The following MKLN1 variants were observed in gnomAD, a reference collection of about 807,000 sequenced individuals.
MKLN1 encodes muskelin.
Under a neutral mutation model 99.0 loss-of-function variants are expected in MKLN1, and 18 were observed. The ratio of observed to expected loss-of-function variants is 0.18; its 90% confidence interval spans 0.13 to 0.27. The LOEUF (loss-of-function observed/expected upper bound fraction) is 0.27. Ranked by LOEUF, MKLN1 falls within the 10% of genes least tolerant of loss-of-function variation. The pLI, the probability that MKLN1 is intolerant of heterozygous loss-of-function variation, is 1.00. For synonymous variants in MKLN1, 288 were observed against 293.2 expected, an observed-to-expected ratio of 0.98 and a Z score of 0.18; for missense variants, 621 against 875.9, an observed-to-expected ratio of 0.71 and a Z score of 3.67.
intron 2 of MKLN1, 99 bp downstream of exon 2, chr7:131,375,592 C>G (rs1005199659): frequency 1.4e-6 from 1 of 722,712 alleles, no homozygotes; most frequent in Non-Finnish European, 2.3e-6. Flanking sequence ...AGTTTATTCT[C>G]TTTTTGAGAT....
At chr7:131,353,008 C>T (rs1489405554) in intron 1 of MKLN1, among the ~76,000 whole-genome samples, 1 of 152,140 alleles carries the variant, frequency 6.6e-6, no homozygotes, top group African/African-American at 2.4e-5. Flanking sequence ...ATTTGTTGAA[C>T]CATTCAGCAG....
chr7:131,295,958 A>G (rs1313828477), intron 3 of MKLN1, among the ~76,000 whole-genome samples: 1 of 152,160 alleles, frequency 6.6e-6, no homozygotes, highest in African/African-American at 2.4e-5. Flanking sequence ...GCAGGTCACA[A>G]CAGTGTGATA....
chr7:131,220,333 AT>A (rs1264745882), intron 3 of MKLN1, among the ~76,000 whole-genome samples: 5 of 151,884 alleles, frequency 3.3e-5, no homozygotes, highest in African/African-American at 1.2e-4. Flanking sequence ...TCAAGCCCCC[AT>A]TTTTTTCTGT....
chr7:131,385,561 A>T (rs778039150), intron 2 of MKLN1, among the ~76,000 whole-genome samples: 1 of 152,094 alleles, frequency 6.6e-6, no homozygotes, highest in African/African-American at 2.4e-5. Context: ...TATTATTGCC[A>T]TCTTAGTGGA....
At chr7:131,467,900 C>G (rs1796704132) in intron 15 of MKLN1, among the ~76,000 whole-genome samples, 1 of 152,140 alleles carries the variant, frequency 6.6e-6, no homozygotes, top group African/African-American at 2.4e-5. Flanking sequence ...ATTTGGGGCA[C>G]TTTAGGTTTG....
intron 3 of MKLN1, among the ~76,000 whole-genome samples, chr7:131,257,985 G>A (rs181503945): frequency 6.6e-6 from 1 of 152,058 alleles, no homozygotes; most frequent in East Asian, 1.9e-4. Context: ...GCTGGGCGTG[G>A]TGGAGTGTTC....
chr7:131,231,143 G>T (rs1449694220), intron 3 of MKLN1, among the ~76,000 whole-genome samples: 2 of 82,176 alleles, frequency 2.4e-5, no homozygotes, highest in African/African-American at 3.7e-5. Context: ...AAAAAAAAAA[G>T]GTTTTAAATC....
chr7:131,168,929 G>A (rs191032674), intron 2 of MKLN1, among the ~76,000 whole-genome samples: 1 of 150,444 alleles, frequency 6.6e-6, no homozygotes, highest in East Asian at 2.0e-4. Flanking sequence ...GGGCAGTGGT[G>A]CAATCTTGGC....
intron 3 of MKLN1, among the ~76,000 whole-genome samples, chr7:131,219,514 T>C (rs1372253232): frequency 6.6e-6 from 1 of 152,202 alleles, no homozygotes; most frequent in African/African-American, 2.4e-5. Flanking sequence ...CAGATATGCT[T>C]ATCTGAGTTC....
upstream of MKLN1, among the ~76,000 whole-genome samples, chr7:131,325,340 T>C (rs1474894593): frequency 6.6e-6 from 1 of 152,036 alleles, no homozygotes; most frequent in Non-Finnish European, 1.5e-5. Flanking sequence ...CTGTGTTAGC[T>C]TGCATAGGAA....
intron 1 of MKLN1, among the ~76,000 whole-genome samples, chr7:131,137,525 T>C (rs1795666541): frequency 6.6e-6 from 1 of 152,086 alleles, no homozygotes; most frequent in Non-Finnish European, 1.5e-5. Context: ...AATTCTAGAT[T>C]TGTGAGAGAG....
At chr7:131,436,180 C>G (rs1795671141) in intron 9 of MKLN1, among the ~76,000 whole-genome samples, 1 of 152,096 alleles carries the variant, frequency 6.6e-6, no homozygotes, top group African/African-American at 2.4e-5. Context: ...AGTGTACATT[C>G]ACATCAACTT....
At chr7:131,305,487 T>C (rs535093904) in intron 3 of MKLN1, among the ~76,000 whole-genome samples, 1 of 152,344 alleles carries the variant, frequency 6.6e-6, no homozygotes, top group East Asian at 1.9e-4. Context: ...ACTGATTAGC[T>C]CTATTTCCTT....
intron 1 of MKLN1, among the ~76,000 whole-genome samples, chr7:131,370,010 G>C (rs1475116705): frequency 6.6e-6 from 1 of 152,096 alleles, no homozygotes; most frequent in Non-Finnish European, 1.5e-5. Context: ...CTAATTTTTT[G>C]TATTTTTAGT....
chr7:131,367,752 A>G (rs1800223013), intron 1 of MKLN1, among the ~76,000 whole-genome samples: 1 of 152,096 alleles, frequency 6.6e-6, no homozygotes, highest in Non-Finnish European at 1.5e-5. Context: ...TTATTTCTAT[A>G]CTGGCCCATC....
intron 2 of MKLN1, among the ~76,000 whole-genome samples, chr7:131,190,662 A>G (rs1796522507): frequency 6.6e-6 from 1 of 152,102 alleles, no homozygotes; most frequent in Non-Finnish European, 1.5e-5. Flanking sequence ...TTGGAGGGGA[A>G]TGGGTATGGT....
intron 3 of MKLN1, among the ~76,000 whole-genome samples, chr7:131,299,568 G>A (rs961637489): frequency 7.2e-5 from 11 of 152,120 alleles, no homozygotes; most frequent in Non-Finnish European, 1.3e-4. Flanking sequence ...GTAGCTCGCC[G>A]CCAGCACTCA....
intron 3 of MKLN1, among the ~76,000 whole-genome samples, chr7:131,210,460 A>G (rs1329477970): frequency 2.0e-5 from 3 of 151,620 alleles, no homozygotes; most frequent in Non-Finnish European, 4.4e-5. Flanking sequence ...GGAACCTGGG[A>G]GGTGGAAGTT....
intron 1 of MKLN1, among the ~76,000 whole-genome samples, chr7:131,123,504 C>T (rs989625131): frequency 6.6e-5 from 10 of 152,200 alleles, no homozygotes; most frequent in Non-Finnish European, 1.3e-4. Flanking sequence ...AATAGCAAGA[C>T]CTTGTCTCTA....
Sources: allele counts gnomAD v4.1 joint callset (sites outside exome capture counted in the v4.1 genomes callset), GRCh38; gene constraint gnomAD v4.1.1; transcripts MANE v1.5; gene names NCBI Gene and HGNC (gene_info 2026-07-23, HGNC 2026-07-21).